ARHGAP24: variants seen among roughly 807,000 people sequenced by gnomAD.
The protein encoded by ARHGAP24 is rho GTPase-activating protein 24.
Under a neutral mutation model 76.4 loss-of-function variants are expected in ARHGAP24, and 50 were observed. The observed-to-expected ratio is 0.65, with a 90% CI of 0.52 to 0.83. The LOEUF (loss-of-function observed/expected upper bound fraction) is 0.83, where lower values mean the gene tolerates loss of function less well. Ranked by LOEUF, ARHGAP24 falls within the 40% of genes least tolerant of loss-of-function variation. ARHGAP24 has a pLI of 0.00. For synonymous variants in ARHGAP24, 345 were observed against 323.3 expected (o/e 1.07, Z -0.72); for missense variants, 930 against 914.2 (o/e 1.02, Z -0.22).
rs540248648 is a variant in ARHGAP24, at chr4:85,786,179, T to A, written c.268+64207T>A. On this transcript the variant is annotated intron_variant, in intron 3 of 9. Transcript: ENST00000395184. ...ATGACCAAAACTGTCCAAACTAAGT[T>A]AAGAACTTATCAATAATCACATAGC... Among the ~76,000 whole-genome samples, 14 of 152,328 alleles carry A rather than the reference T, an allele frequency of 9.2e-5. No individual in the cohort carries two copies. In the East Asian group the frequency reaches 2.5e-3, roughly 27 times the overall value.
At chr4:85,835,155 A>T (rs576595250) in intron 3 of ARHGAP24, among the ~76,000 whole-genome samples, 8 of 152,198 alleles carry the variant, frequency 5.3e-5, no homozygotes, top group African/African-American at 1.9e-4. Flanking sequence ...TGAGATTAGC[A>T]TACCTCACTC....
intron 2 of ARHGAP24, among the ~76,000 whole-genome samples, chr4:85,663,018 T>C (rs1293190157): frequency 1.3e-5 from 2 of 152,074 alleles, no homozygotes; most frequent in Non-Finnish European, 2.9e-5. Context: ...TTTGGTTCCA[T>C]ATGAACTTTA....
At chr4:85,808,039 GT>G (rs1269614961) in intron 3 of ARHGAP24, among the ~76,000 whole-genome samples, 1 of 151,984 alleles carries the variant, frequency 6.6e-6, no homozygotes, top group African/African-American at 2.4e-5. Flanking sequence ...TCTAATACAT[GT>G]TTTTATTTGC....
chr4:85,873,413 C>G (rs1217760593), intron 3 of ARHGAP24, among the ~76,000 whole-genome samples: 2 of 152,030 alleles, frequency 1.3e-5, no homozygotes, highest in African/African-American at 2.4e-5. Flanking sequence ...CATCTTTAGT[C>G]ATAAATCAAT....
chr4:85,862,495 C>G (rs1731955879), intron 3 of ARHGAP24, among the ~76,000 whole-genome samples: 1 of 152,022 alleles, frequency 6.6e-6, no homozygotes, highest in South Asian at 2.1e-4. Flanking sequence ...GCTTATCTGA[C>G]CATTAAGCTA....
Position 85,615,522 on chromosome 4 carries a change from A to G in ARHGAP24, c.180+44801A>G, listed in dbSNP as rs183624919. Among the ~76,000 whole-genome samples the G allele has an allele frequency of 2.6e-5, 4 of 152,294 alleles. No homozygotes were observed. The East Asian group carries it at 5.8e-4, about 22-fold the overall frequency. On this transcript the variant is annotated intron_variant, in intron 2 of 9. Coordinates refer to ENST00000395184, the MANE Select transcript of ARHGAP24 (RefSeq NM_001025616.3). ...GGGTTGCTTCTCAACTGGCTTATAC[A>G]TGCTGGATGCCAGAATCTTTTCCAC...
At chr4:85,556,411 C>G (rs557084168) in intron 1 of ARHGAP24, among the ~76,000 whole-genome samples, 1 of 152,218 alleles carries the variant, frequency 6.6e-6, no homozygotes, top group East Asian at 1.9e-4. Flanking sequence ...GGTGTGGGAG[C>G]TCGCTGGAAA....
chr4:85,546,211 G>A (rs964460923), intron 1 of ARHGAP24, among the ~76,000 whole-genome samples: 1 of 151,926 alleles, frequency 6.6e-6, no homozygotes. Flanking sequence ...TGAGCATATG[G>A]TAAATGCTAT....
intron 5 of ARHGAP24, among the ~76,000 whole-genome samples, chr4:85,961,474 G>T (rs188780379): frequency 6.6e-4 from 100 of 150,426 alleles, no homozygotes; most frequent in African/African-American, 2.2e-3. Context: ...ACAAGGATTT[G>T]TTTACTTTAT....
intron 3 of ARHGAP24, among the ~76,000 whole-genome samples, chr4:85,888,922 A>G (rs560587987): frequency 6.6e-6 from 1 of 152,264 alleles, no homozygotes; most frequent in East Asian, 1.9e-4. Flanking sequence ...AATGGCCTCC[A>G]GCTCCATTCA....
chr4:85,997,267 T>A (rs1312657330), intron 9 of ARHGAP24, among the ~76,000 whole-genome samples: 1 of 151,858 alleles, frequency 6.6e-6, no homozygotes, highest in Non-Finnish European at 1.5e-5. Context: ...GATGGATAGA[T>A]AGGTAGGTAG....
intron 4 of ARHGAP24, 67 bp downstream of exon 4, chr4:85,923,837 G>C: frequency 1.2e-6 from 2 of 1,609,414 alleles, no homozygotes; most frequent in Non-Finnish European, 1.7e-6. Context: ...CTTTCCCCCA[G>C]CGAATGTTAC....
At chr4:85,755,646 G>T (rs4693126) in intron 3 of ARHGAP24, among the ~76,000 whole-genome samples, 87,001 of 117,718 alleles carry the variant, frequency 0.74, 36,087 homozygotes, top group Non-Finnish European at 0.85. Context: ...GTTTTGTTTT[G>T]TTTTGAGACG....
Position 85,721,665 on chromosome 4 carries a change from T to C in ARHGAP24, c.181-220T>C, listed in dbSNP as rs6841314. Among the ~76,000 whole-genome samples the C allele has an allele frequency of 0.032, 4,816 of 152,242 alleles. 228 individuals are homozygous for C. The highest frequency in any genetic ancestry group is 0.11 in the African/African-American group (4,573 of 41,530). The stretch of plus-strand genomic sequence containing the variant: ...AGATGAATCTAGCAGCTAACATACA[T>C]ATTAGTCTTATACATATTAGATGCT... On this transcript the variant is annotated intron_variant, in intron 2 of 9. Transcript: ENST00000395184.
At chr4:85,696,650 T>C (rs1196412215) in intron 2 of ARHGAP24, among the ~76,000 whole-genome samples, 1 of 152,208 alleles carries the variant, frequency 6.6e-6, no homozygotes, top group Non-Finnish European at 1.5e-5. Context: ...TTACATCAAA[T>C]GGCAATTTAG....
At chr4:85,654,853 A>G (rs1448767619) in intron 2 of ARHGAP24, among the ~76,000 whole-genome samples, 1 of 152,218 alleles carries the variant, frequency 6.6e-6, no homozygotes. Flanking sequence ...GTATGTGTGT[A>G]CTTTGTATGC....
intron 3 of ARHGAP24, among the ~76,000 whole-genome samples, chr4:85,771,550 A>G (rs977381886): frequency 6.6e-6 from 1 of 152,240 alleles, no homozygotes; most frequent in African/African-American, 2.4e-5. Context: ...CACAGGCACA[A>G]TCAGAAATAA....
intron 2 of ARHGAP24, among the ~76,000 whole-genome samples, chr4:85,618,041 A>T (rs931624214): frequency 6.6e-6 from 1 of 152,160 alleles, no homozygotes; most frequent in Non-Finnish European, 1.5e-5. Context: ...TCAAGTGTGT[A>T]ATACATTATT....
At chr4:85,838,859 C>A (rs1412922615) in intron 3 of ARHGAP24, among the ~76,000 whole-genome samples, 1 of 152,100 alleles carries the variant, frequency 6.6e-6, no homozygotes, top group Non-Finnish European at 1.5e-5. Context: ...GCATGGAGGG[C>A]CCACCTTGGA....
Sources: gnomAD v4.1 joint callset for allele counts (sites outside exome capture counted in the v4.1 genomes callset) on GRCh38, gnomAD v4.1.1 for gene constraint, MANE v1.5 for transcripts, NCBI Gene and HGNC (gene_info 2026-07-23, HGNC 2026-07-21) for gene names.